Variants in GLS observed in about 807,000 individuals in gnomAD.
The protein encoded by GLS is glutaminase.
Under a neutral mutation model 86.7 loss-of-function variants are expected in GLS, and 36 were observed. The ratio of observed to expected loss-of-function variants is 0.42; its 90% CI spans 0.32 to 0.55. The LOEUF (loss-of-function observed/expected upper bound fraction) is 0.55. GLS is among the 20% of genes least tolerant of loss of function. The pLI is 0.17. For synonymous variants in GLS, 317 were observed against 305.9 expected (o/e 1.04, Z -0.38); for missense variants, 528 against 833.4 (o/e 0.63, Z 4.51).
At chr2:190,898,693 G>A (rs138030792) in intron 3 of GLS, among the ~76,000 whole-genome samples, 1,640 of 152,164 alleles carry the variant, frequency 0.011, 78 homozygotes, top group Admixed American at 0.082. Flanking sequence ...GTGCAATGGC[G>A]CGATCTTGGC....
intron 6 of GLS, among the ~76,000 whole-genome samples, chr2:190,907,243 GT>G (rs57623604): frequency 3.5e-4 from 47 of 135,132 alleles, no homozygotes; most frequent in Middle Eastern, 4.3e-3. Flanking sequence ...AATAACAGTA[GT>G]TTTTTTTTTT....
chr2:190,919,163 C>T (rs903224240), intron 7 of GLS, among the ~76,000 whole-genome samples: 4 of 152,096 alleles, frequency 2.6e-5, no homozygotes, highest in Admixed American at 2.6e-4. Context: ...AAGTGAAGCT[C>T]AATAAAATGA....
intron 1 of GLS, among the ~76,000 whole-genome samples, chr2:190,882,664 G>A (rs1458196944): frequency 6.6e-6 from 1 of 152,084 alleles, no homozygotes; most frequent in Non-Finnish European, 1.5e-5. Flanking sequence ...CTTTTCTAAA[G>A]TTCTTCTCCC....
chr2:190,935,986 C>T lies in GLS; in HGVS notation c.1650+4349C>T, dbSNP rs2124925324. On this transcript the variant is annotated intron_variant, in intron 14 of 17. Transcript: ENST00000320717. This position sits in a 1 kb window ranked among gnomAD's most constrained non-coding sequence, Gnocchi z 4.2. ...TCTGCCATTCATATTCTGGAGATTC[C>T]TGAATATATTGTAGAAGTTTTAAAA... Among the ~76,000 whole-genome samples, 1 of 150,984 alleles carries T rather than the reference C, an allele frequency of 6.6e-6. No homozygotes were observed. Among genetic ancestry groups the T allele is most frequent in the South Asian group, 2.1e-4 (1 of 4,812 alleles).
chr2:190,895,625 C>T lies in GLS; in HGVS notation c.505C>T (p.Arg169Ter). The T allele has an allele frequency of 6.2e-7, 1 of 1,601,524 alleles. No homozygotes were observed. Among genetic ancestry groups the T allele is most frequent in the Non-Finnish European group, 8.5e-7 (1 of 1,170,538 alleles). Residue 169 changes from arginine (R) to a stop codon, truncating the protein, a stop_gained, in exon 3 of 18, where the codon CGA (arginine) becomes TGA (stop). Coordinates refer to ENST00000320717, the MANE Select transcript of GLS (RefSeq NM_014905.5). LOFTEE classifies it high-confidence loss of function. The surrounding 1 kb of genome is among the most constrained non-coding windows in gnomAD (Gnocchi z 4.2). ...FITALKSTGLRTSDPRLKECM... is the reference protein window; with the variant it reads ...FITALKSTGL ...ACAGGCACTCAAATCTACAGGATTG[C>T]GAACGTCTGATCCCAGGTTGAAAGA...
chr2:190,942,042 A>T (rs1312453432), intron 14 of GLS, among the ~76,000 whole-genome samples: 2 of 135,016 alleles, frequency 1.5e-5, no homozygotes, highest in East Asian at 4.4e-4. Flanking sequence ...GACTTTATTC[A>T]GAGTTTAGTG....
chr2:190,947,623 A>C lies in GLS; in HGVS notation c.1651-5942A>C, dbSNP rs1013987525. Among the ~76,000 whole-genome samples, 4 of 152,206 alleles carry C rather than the reference A, an allele frequency of 2.6e-5. No homozygotes were observed. The highest frequency in any genetic ancestry group is 5.9e-5 in the Non-Finnish European group (4 of 68,028). ...GTGTATAGTCTGTTTCTTTATAGTA[A>C]GGAATTATTTATCAAAACATAGCTT... On this transcript the variant is annotated intron_variant, in intron 14 of 17. Transcript: ENST00000320717. The surrounding 1 kb of genome is among the most constrained non-coding windows in gnomAD (Gnocchi z 5.0).
intron 14 of GLS, among the ~76,000 whole-genome samples, chr2:190,936,302 C>T (rs1042573854): frequency 2.7e-5 from 4 of 150,884 alleles, no homozygotes; most frequent in Non-Finnish European, 3.0e-5. Context: ...CAGCCTATAT[C>T]CTGATAATTT....
chr2:190,900,097 G>A (rs1217343305), intron 3 of GLS, among the ~76,000 whole-genome samples: 1 of 152,096 alleles, frequency 6.6e-6, no homozygotes, highest in Non-Finnish European at 1.5e-5. Flanking sequence ...AGGAAAATAT[G>A]TTATAATGCA....
rs1688161767 is a variant in GLS, at chr2:190,881,330, G to A, written c.246G>A (p.Glu82=). 1.3e-6 allele frequency: 2 copies of A among 1,526,034 alleles called. No homozygotes were observed. Among genetic ancestry groups the A allele is most frequent in the Non-Finnish European group, 1.8e-6 (2 of 1,136,874 alleles). 94.5% of individuals were successfully genotyped at this position (1,526,034 alleles called of 1,614,324 possible). The change falls in exon 1 of 18, where the codon GAG becomes GAA. Residue 82 remains glutamate, a synonymous_variant. Transcript: ENST00000320717. ...GCTCTCCTTCGGAGATCTTGCAGGA[G>A]CTGGGCAAGGGGAGCACGCATCCGC... is the stretch of plus-strand genomic sequence containing the variant. ...LSSSPSEILQ[E]LGKGSTHPQP...
chr2:190,929,408 A>C (rs938142054), intron 12 of GLS, among the ~76,000 whole-genome samples: 1 of 152,140 alleles, frequency 6.6e-6, no homozygotes, highest in African/African-American at 2.4e-5. Context: ...TGTAACTGCT[A>C]TAATTCCTTA....
chr2:190,932,693 A>T (rs1362688127), intron 14 of GLS: 4 of 1,560,170 alleles, frequency 2.6e-6, no homozygotes, highest in Non-Finnish European at 3.5e-6. Context: ...CTAATAAATT[A>T]TGTATGTTGC....
chr2:190,948,174 A>C (rs1341629181), intron 14 of GLS, among the ~76,000 whole-genome samples: 1 of 152,136 alleles, frequency 6.6e-6, no homozygotes, highest in Non-Finnish European at 1.5e-5. Context: ...GTGTTCAAGC[A>C]CCTATCTTCT....
chr2:190,961,685 A>C (rs1320803019), intron 17 of GLS, among the ~76,000 whole-genome samples: 3 of 100,070 alleles, frequency 3.0e-5, no homozygotes, highest in East Asian at 5.3e-4. Context: ...CACTTAATTC[A>C]GCTGTTTTTT....
chr2:190,944,734 C>G (rs1690537741), intron 14 of GLS, among the ~76,000 whole-genome samples: 2 of 152,052 alleles, frequency 1.3e-5, no homozygotes, highest in South Asian at 4.2e-4. Flanking sequence ...TATTTATTTG[C>G]TGCCAGTAGC....
chr2:190,913,387 A>G lies in GLS; in HGVS notation c.1038+3066A>G. 1 of 973,126 alleles carries G rather than the reference A, an allele frequency of 1.0e-6. No individual in the cohort carries two copies. The highest frequency in any genetic ancestry group is 1.3e-6 in the Non-Finnish European group (1 of 765,930). 60.3% of individuals were successfully genotyped at this position (973,126 alleles called of 1,614,324 possible). The stretch of plus-strand genomic sequence containing the variant: ...TAGGTAAATACCTTTTTAAAAACAA[A>G]TGTAATTTTATACTTAAAATGCACA... On this transcript the variant is annotated intron_variant, in intron 7 of 17. Transcript: ENST00000320717. This position sits in a 1 kb window ranked among gnomAD's most constrained non-coding sequence, Gnocchi z 6.1.
chr2:190,940,516 C>T (rs1690394808), intron 14 of GLS, among the ~76,000 whole-genome samples: 1 of 152,042 alleles, frequency 6.6e-6, no homozygotes, highest in Admixed American at 6.6e-5. Context: ...CTTATTCTGG[C>T]AAATTAGCAG....
Position 190,921,199 on chromosome 2 carries a change from G to A in GLS, c.1126G>A (p.Ala376Thr). Residue 376 changes from alanine to threonine, a missense_variant, in exon 9 of 18, where the codon GCA (alanine) becomes ACA (threonine). By Grantham distance (58) the Ala-to-Thr change is moderately conservative. Coordinates refer to ENST00000320717, the MANE Select transcript of GLS (RefSeq NM_014905.5). The surrounding 1 kb of genome is among the most constrained non-coding windows in gnomAD (Gnocchi z 4.2). The stretch of plus-strand genomic sequence containing the variant: ...TAATGAATATGTTGGATTCAGTAAT[G>A]CAACGTGAGTGTTTTAAATACTGTT... ...AGNEYVGFSN[A>T]TFQSERESGD... The A allele has an allele frequency of 6.3e-7, 1 of 1,591,708 alleles. No individual in the cohort carries two copies. Among genetic ancestry groups the A allele is most frequent in the Non-Finnish European group, 8.6e-7 (1 of 1,160,082 alleles).
intron 17 of GLS, among the ~76,000 whole-genome samples, chr2:190,958,763 A>G (rs915359052): frequency 5.3e-5 from 8 of 152,102 alleles, no homozygotes; most frequent in South Asian, 4.1e-4. Context: ...TTCTAATTTG[A>G]TTGCACTGTG....
Sources: allele counts gnomAD v4.1 joint callset (sites outside exome capture counted in the v4.1 genomes callset), GRCh38; gene constraint gnomAD v4.1.1; non-coding constraint Gnocchi (gnomAD v3.1); transcripts MANE v1.5; gene names NCBI Gene and HGNC (gene_info 2026-07-23, HGNC 2026-07-21).